Variants in DPP10 observed in about 807,000 individuals in gnomAD.
DPP10 encodes the protein inactive dipeptidyl peptidase 10.
Under a neutral mutation model 120.9 loss-of-function variants are expected in DPP10, and 33 were observed. The ratio of observed to expected loss-of-function variants is 0.27; its 90% CI spans 0.21 to 0.37. The LOEUF is 0.37. Ranked by LOEUF, DPP10 falls within the 10% of genes least tolerant of loss-of-function variation. The pLI, the probability that DPP10 is intolerant of heterozygous loss-of-function variation, is 1.00. For missense variants in DPP10, 816 were observed against 942.8 expected, an observed-to-expected ratio of 0.87 and a Z score of 1.76; for synonymous variants, 337 against 326.1, an observed-to-expected ratio of 1.03 and a Z score of -0.36.
intron 1 of DPP10, among the ~76,000 whole-genome samples, chr2:114,858,908 G>C (rs1161036191): frequency 2.6e-5 from 4 of 152,130 alleles, no homozygotes; most frequent in African/African-American, 9.7e-5. Flanking sequence ...TTTATATTGA[G>C]TTTGTGTGAC....
chr2:115,691,829 C>T (rs994877045), intron 7 of DPP10, among the ~76,000 whole-genome samples: 3 of 152,208 alleles, frequency 2.0e-5, no homozygotes, highest in African/African-American at 7.2e-5. Context: ...TTATTTAAGA[C>T]TCTTAATATC....
At chr2:114,883,520 C>T (rs1691816193) in intron 1 of DPP10, among the ~76,000 whole-genome samples, 2 of 152,134 alleles carry the variant, frequency 1.3e-5, no homozygotes, top group South Asian at 2.1e-4. Flanking sequence ...TTGAAACATG[C>T]TCATTTCAGT....
intron 1 of DPP10, among the ~76,000 whole-genome samples, chr2:115,276,338 T>A (rs1183589452): frequency 6.6e-6 from 1 of 152,056 alleles, no homozygotes; most frequent in East Asian, 1.9e-4. Context: ...CTGTAGAGAA[T>A]CAAAGGCCAG....
chr2:115,782,147 C>G (rs1682838755), intron 16 of DPP10, among the ~76,000 whole-genome samples: 1 of 151,894 alleles, frequency 6.6e-6, no homozygotes, highest in East Asian at 1.9e-4. Context: ...ATAATCTCTG[C>G]AAATAGTTTC....
At chr2:115,665,399 G>A (rs7593933) in intron 5 of DPP10, among the ~76,000 whole-genome samples, 98,709 of 151,986 alleles carry the variant, frequency 0.65, 33,697 homozygotes, top group East Asian at 0.92. Flanking sequence ...ATGACATTCC[G>A]TTTGGTCTAC....
chr2:115,310,750 G>A (rs2061543942), intron 2 of DPP10, among the ~76,000 whole-genome samples: 1 of 152,068 alleles, frequency 6.6e-6, no homozygotes, highest in Non-Finnish European at 1.5e-5. Flanking sequence ...GTTTCAGCAT[G>A]GTGTTTCACT....
At chr2:115,694,440 A>G (rs112523093) in intron 7 of DPP10, among the ~76,000 whole-genome samples, 200 of 152,316 alleles carry the variant, frequency 1.3e-3, no homozygotes, top group African/African-American at 4.4e-3. Flanking sequence ...CTAAGTTAGA[A>G]CTCAGAATAT....
At chr2:115,444,002 T>G (rs2104897852) in intron 3 of DPP10, among the ~76,000 whole-genome samples, 1 of 152,294 alleles carries the variant, frequency 6.6e-6, no homozygotes, top group East Asian at 1.9e-4. Context: ...AGGCAAATTC[T>G]TATTAGCAGT....
intron 14 of DPP10, 148 bp downstream of exon 14, chr2:115,777,447 A>G (rs1682244242): frequency 1.5e-6 from 1 of 686,378 alleles, no homozygotes; most frequent in Non-Finnish European, 2.5e-6. Flanking sequence ...CCTCTTCCAC[A>G]CTTCACACAG....
intron 1 of DPP10, among the ~76,000 whole-genome samples, chr2:114,750,289 C>T (rs1301913588): frequency 2.0e-5 from 3 of 151,292 alleles, no homozygotes; most frequent in East Asian, 1.9e-4. Context: ...GGTCTCACCC[C>T]AGACCAGATT....
At chr2:115,730,002 C>T (rs899532625) in intron 8 of DPP10, among the ~76,000 whole-genome samples, 4 of 152,068 alleles carry the variant, frequency 2.6e-5, no homozygotes, top group African/African-American at 9.7e-5. Context: ...TAGCAAGAAG[C>T]GAGGGATAGT....
intron 5 of DPP10, among the ~76,000 whole-genome samples, chr2:115,686,874 TG>T (rs2091017999): frequency 6.6e-6 from 1 of 152,138 alleles, no homozygotes; most frequent in African/African-American, 2.4e-5. Context: ...GAAATTTGCT[TG>T]TCCCCATAGG....
intron 11 of DPP10, among the ~76,000 whole-genome samples, chr2:115,758,203 T>G (rs1575695817): frequency 6.6e-6 from 1 of 152,132 alleles, no homozygotes; most frequent in East Asian, 1.9e-4. Context: ...AAGTGGCAAG[T>G]AAGTCCAGAG....
At chr2:115,676,656 A>G (rs1167395296) in intron 5 of DPP10, among the ~76,000 whole-genome samples, 1 of 152,176 alleles carries the variant, frequency 6.6e-6, no homozygotes, top group African/African-American at 2.4e-5. Context: ...AAAGAGGAAA[A>G]AGAATAAAAA....
At chr2:115,260,161 T>C (rs1235247902) in intron 1 of DPP10, among the ~76,000 whole-genome samples, 1 of 150,794 alleles carries the variant, frequency 6.6e-6, no homozygotes, top group African/African-American at 2.4e-5. Flanking sequence ...TTATATTATA[T>C]ATACATTAAT....
At chr2:115,233,145 CT>C (rs2057822638) in intron 1 of DPP10, among the ~76,000 whole-genome samples, 1 of 151,756 alleles carries the variant, frequency 6.6e-6, no homozygotes, top group Non-Finnish European at 1.5e-5. Context: ...GTAATTTATT[CT>C]GTTATATAAA....
intron 11 of DPP10, among the ~76,000 whole-genome samples, chr2:115,755,172 T>C: frequency 6.6e-6 from 1 of 152,226 alleles, no homozygotes; most frequent in East Asian, 1.9e-4. Flanking sequence ...GTTTTTAAAC[T>C]GCATATAAAT....
At chr2:115,280,471 T>C (rs1439942234) in intron 1 of DPP10, among the ~76,000 whole-genome samples, 1 of 152,218 alleles carries the variant, frequency 6.6e-6, no homozygotes, top group Non-Finnish European at 1.5e-5. Flanking sequence ...ATATCAGTCC[T>C]ATAGCTCAGT....
intron 1 of DPP10, among the ~76,000 whole-genome samples, chr2:115,193,254 A>C (rs1360598251): frequency 6.6e-6 from 1 of 152,146 alleles, no homozygotes; most frequent in Non-Finnish European, 1.5e-5. Flanking sequence ...CAACCAGTTA[A>C]TTTACTTTCG....
Sources: gnomAD v4.1 joint callset for allele counts (sites outside exome capture counted in the v4.1 genomes callset) on GRCh38, gnomAD v4.1.1 for gene constraint, MANE v1.5 for transcripts, NCBI Gene and HGNC (gene_info 2026-07-23, HGNC 2026-07-21) for gene names.